Variants in CTNNA2 observed in about 807,000 individuals in gnomAD.
CTNNA2 encodes the protein catenin alpha-2.
CTNNA2 carries 42 observed loss-of-function variants against 101.0 expected under a neutral mutation model. The observed-to-expected ratio is 0.42, with a 90% CI of 0.32 to 0.54. The LOEUF (loss-of-function observed/expected upper bound fraction) is 0.54. Ranked by LOEUF, CTNNA2 falls within the 20% of genes least tolerant of loss-of-function variation. CTNNA2 has a pLI of 0.14. For missense variants in CTNNA2, 871 were observed against 1,223.1 expected, an observed-to-expected ratio of 0.71 and a Z score of 4.29; for synonymous variants, 450 against 456.4, an observed-to-expected ratio of 0.99 and a Z score of 0.18.
intron 16 of CTNNA2, chr2:80,605,550 T>C (rs1697927503): frequency 6.6e-6 from 1 of 151,904 alleles, no homozygotes; most frequent in African/African-American, 2.4e-5. Context: ...TTGCTTATTG[T>C]AGTTTTCCTC....
At chr2:79,660,286 T>C (rs1006373456) in intron 2 of CTNNA2, among the ~76,000 whole-genome samples, 1 of 149,702 alleles carries the variant, frequency 6.7e-6, no homozygotes, top group Non-Finnish European at 1.5e-5. Flanking sequence ...TGTATGTGTA[T>C]CCATATGTAT....
chr2:80,399,312 A>T (rs763344779), intron 8 of CTNNA2, among the ~76,000 whole-genome samples: 19 of 152,198 alleles, frequency 1.2e-4, no homozygotes, highest in Admixed American at 7.9e-4. Flanking sequence ...ACATTATTTC[A>T]TCAGTTGGAA....
intron 7 of CTNNA2, among the ~76,000 whole-genome samples, chr2:80,012,484 A>G (rs995264797): frequency 6.6e-6 from 1 of 152,166 alleles, no homozygotes; most frequent in African/African-American, 2.4e-5. Flanking sequence ...GTACCTTTCT[A>G]TCCCAGGGTC....
chr2:80,144,592 C>T (rs949278007), intron 7 of CTNNA2, among the ~76,000 whole-genome samples: 2 of 152,120 alleles, frequency 1.3e-5, no homozygotes, highest in Non-Finnish European at 1.5e-5. Flanking sequence ...CCTGAGCTGT[C>T]TCTTACTCTT....
chr2:80,327,598 ATG>A (rs1253656781), intron 7 of CTNNA2, among the ~76,000 whole-genome samples: 1 of 152,212 alleles, frequency 6.6e-6, no homozygotes, highest in Non-Finnish European at 1.5e-5. Flanking sequence ...TCATGTGAAA[ATG>A]TGAGCTGACG....
At chr2:79,478,436 G>C (rs1490099472) in intron 4 of CTNNA2, among the ~76,000 whole-genome samples, 1 of 152,128 alleles carries the variant, frequency 6.6e-6, no homozygotes, top group Non-Finnish European at 1.5e-5. Context: ...CTGTAAGGCA[G>C]AGTCAATAAA....
chr2:79,618,633 T>A (rs1324916429), intron 1 of CTNNA2, among the ~76,000 whole-genome samples: 1 of 152,128 alleles, frequency 6.6e-6, no homozygotes, highest in African/African-American at 2.4e-5. Context: ...CTTCTCCAAG[T>A]CCCATTCTGT....
intron 2 of CTNNA2, among the ~76,000 whole-genome samples, chr2:79,739,638 A>G (rs1000534674): frequency 7.9e-5 from 12 of 152,302 alleles, no homozygotes; most frequent in African/African-American, 2.6e-4. Flanking sequence ...AGAATAAGCC[A>G]TTTCTTACAA....
chr2:80,436,417 AG>A (rs1211202988), intron 9 of CTNNA2, among the ~76,000 whole-genome samples: 1 of 148,042 alleles, frequency 6.8e-6, no homozygotes, highest in Non-Finnish European at 1.5e-5. Context: ...AACATTTTCC[AG>A]AATATCTTCT....
intron 9 of CTNNA2, among the ~76,000 whole-genome samples, chr2:80,506,530 TTGGGCAGTTTAAAGGAGTTTGCTG>T (rs1688293918): frequency 6.6e-6 from 1 of 152,114 alleles, no homozygotes; most frequent in African/African-American, 2.4e-5. Context: ...GGAATTTAAA[TTGGGCAGTTTAAAGGAGTTTGCTG>T]TGGGCAGTGG....
intron 3 of CTNNA2, among the ~76,000 whole-genome samples, chr2:79,373,301 C>T (rs1292227807): frequency 2.0e-5 from 3 of 152,104 alleles, no homozygotes; most frequent in Admixed American, 1.3e-4. Flanking sequence ...ATGCAATGTG[C>T]AGACAAATAA....
chr2:80,341,279 A>C lies in CTNNA2; in HGVS notation c.1057-51932A>C, dbSNP rs574039604. Among the ~76,000 whole-genome samples, 5 of 152,232 alleles carry C rather than the reference A, an allele frequency of 3.3e-5. No individual in the cohort carries two copies. The East Asian group carries it at 7.7e-4, about 24-fold the overall frequency. The stretch of plus-strand genomic sequence containing the variant: ...GAGGGGCTGAAATTTACATGCTTTT[A>C]GTCATGGTTTGGTCTTTTTGGCAAA... On this transcript the variant is annotated intron_variant, in intron 7 of 18. Transcript: ENST00000402739.
rs535237092 is a variant in CTNNA2, at chr2:80,648,489, GT to G, written c.*624del. The stretch of plus-strand genomic sequence containing the variant: ...TAGTTGTGCCATTACTAGTGATCAT[GT>G]TTTTTTCCCCCCTTTAATGAAAACA... On this transcript the variant is annotated 3_prime_UTR_variant, in exon 19 of 19. Coordinates refer to ENST00000402739, the MANE Select transcript of CTNNA2 (RefSeq NM_001282597.3). The G allele has an allele frequency of 1.1e-3, 161 of 152,516 alleles. No individual in the cohort carries two copies. Among genetic ancestry groups the G allele is most frequent in the South Asian group, 1.2e-3 (6 of 4,824 alleles). The allele number at this position is 152,516 out of a possible 1,614,324, so 9.4% of individuals were successfully genotyped here. A position where few individuals can be genotyped will look rare whatever the true frequency, so the allele number is the denominator to read the frequency against.
intron 3 of CTNNA2, among the ~76,000 whole-genome samples, chr2:79,766,846 C>T (rs1173167902): frequency 6.6e-6 from 1 of 152,018 alleles, no homozygotes; most frequent in Admixed American, 6.6e-5. Context: ...ACCTCCACCT[C>T]CTGGGTTCAA....
chr2:79,879,367 T>C (rs1386185224), intron 6 of CTNNA2, among the ~76,000 whole-genome samples: 1 of 152,120 alleles, frequency 6.6e-6, no homozygotes, highest in Non-Finnish European at 1.5e-5. Flanking sequence ...ATGTCAATGG[T>C]AGTTTGATGG....
intron 7 of CTNNA2, among the ~76,000 whole-genome samples, chr2:80,236,948 A>G (rs1354684858): frequency 6.6e-6 from 1 of 152,216 alleles, no homozygotes; most frequent in African/African-American, 2.4e-5. Flanking sequence ...GAGGGAAAGC[A>G]AAGAGAAGGA....
At chr2:79,437,944 A>G (rs1678735098) in intron 4 of CTNNA2, among the ~76,000 whole-genome samples, 2 of 152,076 alleles carry the variant, frequency 1.3e-5, no homozygotes, top group Non-Finnish European at 2.9e-5. Flanking sequence ...CTCCAACTAG[A>G]GAGGCTATGA....
intron 9 of CTNNA2, among the ~76,000 whole-genome samples, chr2:80,507,386 A>C (rs1035749699): frequency 6.6e-6 from 1 of 152,150 alleles, no homozygotes; most frequent in African/African-American, 2.4e-5. Context: ...TGCTCCCCAC[A>C]TAGTTTGGTT....
At chr2:80,568,531 G>A (rs570220455) in intron 12 of CTNNA2, among the ~76,000 whole-genome samples, 1 of 151,778 alleles carries the variant, frequency 6.6e-6, no homozygotes, top group Admixed American at 6.6e-5. Flanking sequence ...CGATGAACTA[G>A]CCTAATACAG....
Sources: gnomAD v4.1 joint callset for allele counts (sites outside exome capture counted in the v4.1 genomes callset) on GRCh38, gnomAD v4.1.1 for gene constraint, MANE v1.5 for transcripts, NCBI Gene and HGNC (gene_info 2026-07-23, HGNC 2026-07-21) for gene names.